Variants in EEFSEC observed in about 807,000 individuals in gnomAD.
EEFSEC encodes the protein selenocysteine-specific elongation factor.
EEFSEC carries 43 observed loss-of-function variants against 42.1 expected under a neutral mutation model. That is an observed-to-expected ratio of 1.02 (90% CI 0.80 to 1.32). The LOEUF (loss-of-function observed/expected upper bound fraction) is 1.32. EEFSEC is among the 40% of genes most tolerant of loss of function. The probability of loss-of-function intolerance (pLI) is 0.00; values close to 1 mark genes in which losing one functional copy is unlikely to be tolerated. For synonymous variants in EEFSEC, 354 were observed against 339.1 expected (o/e 1.04, Z -0.48); for missense variants, 745 against 803.6 (o/e 0.93, Z 0.88).
intron 5 of EEFSEC, among the ~76,000 whole-genome samples, chr3:128,348,504 G>C (rs2067344108): frequency 6.6e-6 from 1 of 152,122 alleles, no homozygotes; most frequent in Non-Finnish European, 1.5e-5. Flanking sequence ...ATTCTAACCT[G>C]CTTTTTAACA....
chr3:128,319,962 G>A (rs78525497), intron 4 of EEFSEC, among the ~76,000 whole-genome samples: 9 of 152,360 alleles, frequency 5.9e-5, no homozygotes, highest in African/African-American at 1.9e-4. Flanking sequence ...CACAGGTTTG[G>A]CCCTGCTGAT....
chr3:128,211,153 C>T (rs73195213), intron 1 of EEFSEC, among the ~76,000 whole-genome samples: 30,311 of 152,124 alleles, frequency 0.2, 4,090 homozygotes, highest in Non-Finnish European at 0.29. Flanking sequence ...GCTGTCTTAG[C>T]CCAAGGTATA....
chr3:128,243,398 CAT>C (rs1399506799), intron 1 of EEFSEC, among the ~76,000 whole-genome samples: 3 of 152,212 alleles, frequency 2.0e-5, no homozygotes. Context: ...GCGTGGAGCA[CAT>C]GAGTCATTCC....
intron 4 of EEFSEC, among the ~76,000 whole-genome samples, chr3:128,311,931 C>T (rs937916749): frequency 3.9e-5 from 6 of 152,176 alleles, no homozygotes; most frequent in African/African-American, 9.7e-5. Flanking sequence ...CCCCTCTTCC[C>T]GCTTGACTCT....
At chr3:128,261,616 A>G (rs969808167) in intron 2 of EEFSEC, among the ~76,000 whole-genome samples, 6 of 139,506 alleles carry the variant, frequency 4.3e-5, no homozygotes, top group African/African-American at 1.6e-4. Flanking sequence ...ATAAATGTCC[A>G]CACAGAATAA....
intron 4 of EEFSEC, among the ~76,000 whole-genome samples, chr3:128,299,096 T>G (rs1160207871): frequency 6.6e-6 from 1 of 152,226 alleles, no homozygotes; most frequent in Non-Finnish European, 1.5e-5. Flanking sequence ...GCAGTGGGAT[T>G]GCTGGGTCAT....
intron 2 of EEFSEC, among the ~76,000 whole-genome samples, chr3:128,258,659 T>G (rs1438142120): frequency 6.6e-6 from 1 of 152,200 alleles, no homozygotes; most frequent in Non-Finnish European, 1.5e-5. Flanking sequence ...ATTCAATAAA[T>G]TTATGTCTGC....
At chr3:128,304,153 T>C (rs2066801541) in intron 4 of EEFSEC, among the ~76,000 whole-genome samples, 1 of 151,908 alleles carries the variant, frequency 6.6e-6, no homozygotes, top group Non-Finnish European at 1.5e-5. Flanking sequence ...TTTCTGAGTG[T>C]CTGTAGCTAC....
intron 6 of EEFSEC, among the ~76,000 whole-genome samples, chr3:128,403,917 T>C (rs765446701): frequency 3.2e-4 from 48 of 152,262 alleles, no homozygotes; most frequent in South Asian, 6.2e-4. Context: ...GTTCACTGTC[T>C]GTGCCTTCTT....
intron 5 of EEFSEC, among the ~76,000 whole-genome samples, chr3:128,347,440 A>T (rs1310239704): frequency 6.6e-6 from 1 of 152,222 alleles, no homozygotes; most frequent in Admixed American, 6.5e-5. Context: ...CCTGTTTCAA[A>T]GTAAAAATAT....
At chr3:128,368,824 C>T (rs774266603) in intron 6 of EEFSEC, among the ~76,000 whole-genome samples, 5 of 152,234 alleles carry the variant, frequency 3.3e-5, no homozygotes, top group African/African-American at 4.8e-5. Context: ...CTGCCTGCAC[C>T]GCATGAGCCT....
At chr3:128,419,724 C>T in the EEFSEC span, among the ~76,000 whole-genome samples, 1 of 152,208 alleles carries the variant, frequency 6.6e-6, no homozygotes, top group Non-Finnish European at 1.5e-5. Context: ...TCCTTGCTCA[C>T]AGCCACCCAG....
chr3:128,175,230 T>G (rs1456190405), intron 1 of EEFSEC, among the ~76,000 whole-genome samples: 1 of 151,940 alleles, frequency 6.6e-6, no homozygotes, highest in Non-Finnish European at 1.5e-5. Context: ...AGCCTGGGAT[T>G]AAATCTCATG....
chr3:128,309,270 CTG>C (rs1353375198), intron 4 of EEFSEC, among the ~76,000 whole-genome samples: 1 of 152,092 alleles, frequency 6.6e-6, no homozygotes, highest in Non-Finnish European at 1.5e-5. Context: ...CTGGTGGAGA[CTG>C]AGCAGGTGCA....
At chr3:128,353,691 GGCAGACAGGGCCCAGCCCTTCCT>G (rs1232897744) in intron 5 of EEFSEC, among the ~76,000 whole-genome samples, 13 of 152,320 alleles carry the variant, frequency 8.5e-5, no homozygotes, top group Middle Eastern at 3.4e-3. Context: ...GGCACCTCCC[GGCAGACAGGGCCCAGCCCTTCCT>G]GCAGCAGGAA....
chr3:128,172,618 A>G lies in EEFSEC; in HGVS notation c.316+18795A>G, dbSNP rs550561423. On this transcript the variant is annotated intron_variant, in intron 1 of 6. Coordinates refer to ENST00000254730, the MANE Select transcript of EEFSEC (RefSeq NM_021937.5). ...CTGGCTGGGAGCAGTTACTGTGCCA[A>G]TGATCTCTCTGACCCCTGACGAATT... Among the ~76,000 whole-genome samples, 32 of 152,302 alleles carry G rather than the reference A, an allele frequency of 2.1e-4. 1 individual carries two copies. Among genetic ancestry groups the G allele is most frequent in the African/African-American group, 7.5e-4 (31 of 41,560 alleles).
the EEFSEC span, among the ~76,000 whole-genome samples, chr3:128,422,518 T>G: frequency 6.6e-6 from 1 of 152,246 alleles, no homozygotes; most frequent in African/African-American, 2.4e-5. Context: ...CAGGGAAGTG[T>G]GCAGGGCCAC....
chr3:128,416,585 G>A, the EEFSEC span, among the ~76,000 whole-genome samples: 3 of 152,212 alleles, frequency 2.0e-5, no homozygotes, highest in Non-Finnish European at 2.9e-5. Context: ...AGTTGGGGCT[G>A]TGACAGAGTG....
chr3:128,256,491 G>T (rs1001026646), intron 2 of EEFSEC, among the ~76,000 whole-genome samples: 7 of 152,116 alleles, frequency 4.6e-5, no homozygotes, highest in African/African-American at 9.7e-5. Context: ...TACAACATTC[G>T]CAGCATCATG....
Sources: gnomAD v4.1 joint callset for allele counts (sites outside exome capture counted in the v4.1 genomes callset) on GRCh38, gnomAD v4.1.1 for gene constraint, MANE v1.5 for transcripts, NCBI Gene and HGNC (gene_info 2026-07-23, HGNC 2026-07-21) for gene names.